DNAJA3: variants seen among roughly 807,000 people sequenced by gnomAD.
DNAJA3 encodes DnaJ heat shock protein family (Hsp40) member A3.
Under a neutral mutation model 54.9 loss-of-function variants are expected in DNAJA3, and 29 were observed. The observed-to-expected ratio is 0.53, with a 90% confidence interval of 0.39 to 0.72. The LOEUF (loss-of-function observed/expected upper bound fraction) is 0.72, where lower values mean the gene tolerates loss of function less well. DNAJA3 is among the 30% of genes least tolerant of loss of function. DNAJA3 has a pLI of 0.00. For synonymous variants in DNAJA3, 302 were observed against 251.4 expected (o/e 1.20, Z -1.90); for missense variants, 708 against 639.4 (o/e 1.11, Z -1.16).
At chr16:4,452,628 G>A (rs2056991457) in intron 10 of DNAJA3, among the ~76,000 whole-genome samples, 1 of 152,170 alleles carries the variant, frequency 6.6e-6, no homozygotes, top group South Asian at 2.1e-4. Flanking sequence ...TCTTGGTGAG[G>A]CCGGATGCAG....
At position 4,446,969 on chromosome 16, in the gene DNAJA3, G is replaced by T. The variant is rs761862631; in HGVS notation, c.1080G>T (p.Gly360=). 2.5e-6 allele frequency: 4 copies of T among 1,614,020 alleles called. No homozygotes were observed. The highest frequency in any genetic ancestry group is 3.4e-6 in the Non-Finnish European group (4 of 1,180,020). The part of the protein sequence containing the change: ...LFISIAQALL[G]GTARAQGLYE... ...TTTCTATAGCTCAGGCTCTTCTTGG[G>T]GGTACAGCCAGAGCCCAGGGCCTGT... The change falls in exon 8 of 12, where the codon GGG becomes GGT. Residue 360 remains glycine (G), a synonymous_variant. Transcript: ENST00000262375.
At chr16:4,441,842 C>T (rs1354380478) in intron 4 of DNAJA3, among the ~76,000 whole-genome samples, 1 of 152,174 alleles carries the variant, frequency 6.6e-6, no homozygotes, top group Non-Finnish European at 1.5e-5. Flanking sequence ...TGTTGTCTCT[C>T]ATCTGCTACA....
chr16:4,450,298 G>A lies in DNAJA3; in HGVS notation c.1242-102G>A, dbSNP rs1170514771. 5.6e-6 allele frequency: 5 copies of A among 899,310 alleles called. No individual in the cohort carries two copies. In the East Asian group the frequency reaches 1.3e-4, roughly 24 times the overall value. The allele number at this position is 899,310 out of a possible 1,614,324, so 55.7% of individuals were successfully genotyped here. A position where few individuals can be genotyped will look rare whatever the true frequency, so the allele number is the denominator to read the frequency against. On this transcript the variant is annotated intron_variant, in intron 9 of 11. Transcript: ENST00000262375. ...AGGGTGTCCGCCCCTGCCAAGGTTG[G>A]GTCCCTCTCTTCCCATGTGCTGCGA...
chr16:4,437,112 AG>A (rs2056780774), intron 2 of DNAJA3, among the ~76,000 whole-genome samples: 1 of 152,184 alleles, frequency 6.6e-6, no homozygotes, highest in African/African-American at 2.4e-5. Context: ...CTGGGACCAC[AG>A]GCATGTGCCA....
At chr16:4,448,020 GTTC>G (rs1423183610) in intron 8 of DNAJA3, 1 of 64,430 alleles carries the variant, frequency 1.6e-5, no homozygotes, top group East Asian at 5.2e-4. Context: ...CCCAGTGGCA[GTTC>G]TTTTTTTTTT....
chr16:4,448,023 C>CTTGTTT (rs2056924611), intron 8 of DNAJA3: 1 of 72,682 alleles, frequency 1.4e-5, no homozygotes, highest in African/African-American at 5.6e-5. Context: ...AGTGGCAGTT[C>CTTGTTT]TTTTTTTTTT....
chr16:4,441,359 C>T lies in DNAJA3; in HGVS notation c.430-16C>T. On this transcript the variant is annotated splice_polypyrimidine_tract_variant and intron_variant, in intron 3 of 11. Transcript: ENST00000262375. ...GGTAGACCTGGGATGCCCAGTGGCT[C>T]TGCCTTTCACTGTAGGTTTTGAGTG... 1 of 1,603,462 alleles carries T rather than the reference C, an allele frequency of 6.2e-7. No homozygotes were observed. The highest frequency in any genetic ancestry group is 8.5e-7 in the Non-Finnish European group (1 of 1,174,304).
At chr16:4,426,174 G>A (rs946825056) in intron 1 of DNAJA3, 82 bp downstream of exon 1, 187 of 1,351,402 alleles carry the variant, frequency 1.4e-4, no homozygotes, top group Admixed American at 3.9e-4. Context: ...ACGGCTGCAG[G>A]GGTAGTGGGG....
chr16:4,454,003 G>A (rs1015696825), intron 10 of DNAJA3, among the ~76,000 whole-genome samples: 4 of 152,182 alleles, frequency 2.6e-5, no homozygotes, highest in East Asian at 1.9e-4. Flanking sequence ...TCTGTAACAC[G>A]TTTGTGTGAG....
At chr16:4,441,112 A>C (rs1192467060) in intron 3 of DNAJA3, 3 of 537,480 alleles carry the variant, frequency 5.6e-6, no homozygotes, top group Non-Finnish European at 9.8e-6. Flanking sequence ...GAGGATCAAC[A>C]CAAACATTTT....
intron 1 of DNAJA3, among the ~76,000 whole-genome samples, chr16:4,433,638 T>A (rs1879522406): frequency 6.6e-6 from 1 of 152,136 alleles, no homozygotes; most frequent in African/African-American, 2.4e-5. Context: ...GAAAAGAATG[T>A]GGGGAGTTGT....
intron 5 of DNAJA3, 152 bp downstream of exon 5, chr16:4,442,572 G>A (rs1040090646): frequency 6.7e-6 from 6 of 900,364 alleles, no homozygotes; most frequent in African/African-American, 1.7e-5. Flanking sequence ...CTGAGGAGAC[G>A]AGCCTGTGCT....
chr16:4,430,536 C>G (rs2056684317), intron 1 of DNAJA3: 1 of 149,892 alleles, frequency 6.7e-6, no homozygotes, highest in African/African-American at 2.5e-5. Flanking sequence ...GCCCTCCAGC[C>G]TGGGCAACAA....
chr16:4,454,991 C>G, intron 11 of DNAJA3, 64 bp downstream of exon 11: 1 of 1,151,896 alleles, frequency 8.7e-7, no homozygotes, highest in Non-Finnish European at 1.3e-6. Context: ...CTGGTTTTCT[C>G]CCACTTTAAC....
intron 10 of DNAJA3, 81 bp from the exon 11 acceptor site, chr16:4,454,730 A>G (rs1166503123): frequency 2.8e-6 from 3 of 1,070,098 alleles, no homozygotes; most frequent in Non-Finnish European, 2.8e-6. Flanking sequence ...CTGGGTGGCC[A>G]GGCGGGGGTA....
intron 1 of DNAJA3, 86 bp from the exon 2 acceptor site, chr16:4,434,298 A>C (rs1436036991): frequency 1.4e-6 from 2 of 1,449,302 alleles, no homozygotes; most frequent in East Asian, 2.3e-5. Context: ...GTTCCTTCAC[A>C]GATATAGCCT....
At position 4,437,421 on chromosome 16, in the gene DNAJA3, C is replaced by T. The variant is rs760287425; in HGVS notation, c.365C>T (p.Pro122Leu). The change falls in exon 3 of 12, where the codon CCT (proline) becomes CTT (leucine). Residue 122 changes from proline to leucine, a missense_variant. By Grantham distance (98) the Pro-to-Leu change is moderately conservative (BLOSUM62 -3). Coordinates refer to ENST00000262375, the MANE Select transcript of DNAJA3 (RefSeq NM_005147.6). ...CCTTAGCTTGCCAAGAAGTATCACC[C>T]TGACACAAATAAGGATGATCCCAAA... Reference protein sequence around the residue: ...AYYQLAKKYHPDTNKDDPKAK... With the variant: ...AYYQLAKKYHLDTNKDDPKAK... 6.2e-7 allele frequency: 1 copy of T among 1,614,104 alleles called. No individual in the cohort carries two copies. Among genetic ancestry groups the T allele is most frequent in the Non-Finnish European group, 8.5e-7 (1 of 1,180,010 alleles).
Position 4,456,742 on chromosome 16 carries a change from A to AT in DNAJA3, c.*1212dup, listed in dbSNP as rs1299652995. ...ATGATTCTGTATTAATGTAAATAAG[A>AT]TTATCTATTGCAAAAAGATATTTCA... On this transcript the variant is annotated 3_prime_UTR_variant, in exon 12 of 12. Transcript: ENST00000262375. The AT allele has an allele frequency of 6.6e-6, 1 of 152,632 alleles. No individual in the cohort carries two copies. Among genetic ancestry groups the AT allele is most frequent in the African/African-American group, 2.4e-5 (1 of 41,450 alleles). The allele number at this position is 152,632 out of a possible 1,614,324, so 9.5% of individuals were successfully genotyped here. A position where few individuals can be genotyped will look rare whatever the true frequency, so the allele number is the denominator to read the frequency against.
intron 9 of DNAJA3, chr16:4,450,178 C>G: frequency 2.1e-6 from 1 of 481,806 alleles, no homozygotes; most frequent in Non-Finnish European, 3.7e-6. Context: ...CACAGTGACA[C>G]TTGTTTAAAT....
Sources: gnomAD v4.1 joint callset for allele counts (sites outside exome capture counted in the v4.1 genomes callset) on GRCh38, gnomAD v4.1.1 for gene constraint, MANE v1.5 for transcripts, NCBI Gene and HGNC (gene_info 2026-07-23, HGNC 2026-07-21) for gene names.